CEP104: variants seen among roughly 807,000 people sequenced by gnomAD.
CEP104 encodes the protein centrosomal protein 104, also known as centrosomal protein of 104 kDa.
CEP104 carries 84 observed loss-of-function variants against 113.3 expected under a neutral mutation model. The observed-to-expected ratio is 0.74, with a 90% confidence interval of 0.62 to 0.89. The LOEUF (loss-of-function observed/expected upper bound fraction) is 0.89. Among genes scored for constraint, CEP104 ranks in the 40% least tolerant of loss-of-function variants. CEP104 has a pLI of 0.00. For missense variants in CEP104, 1,053 were observed against 1,156.6 expected (o/e 0.91, Z 1.30); for synonymous variants, 378 against 421.7 (o/e 0.90, Z 1.27).
chr1:3,848,848 TCATTCTTGCAGGTA>T, intron 2 of CEP104, 67 bp from the exon 3 acceptor site: 2 of 1,356,734 alleles, frequency 1.5e-6, no homozygotes, highest in South Asian at 1.3e-5. Context: ...TGCTAGCATC[TCATTCTTGCAGGTA>T]AGAAGCATTA....
At chr1:3,837,096 C>G (rs1644328512) in intron 9 of CEP104, 196 bp downstream of exon 9, 2 of 570,794 alleles carry the variant, frequency 3.5e-6, no homozygotes, top group Non-Finnish European at 6.2e-6. Context: ...AATAAACATG[C>G]TCACAAGGTG....
intron 15 of CEP104, among the ~76,000 whole-genome samples, chr1:3,828,105 T>C (rs1433046972): frequency 6.6e-6 from 1 of 152,076 alleles, no homozygotes; most frequent in African/African-American, 2.4e-5. Context: ...GGGCGGCTGC[T>C]GCTTCTGGAG....
At chr1:3,837,554 C>G in intron 8 of CEP104, 35 bp from the exon 9 acceptor site, 1 of 1,541,864 alleles carries the variant, frequency 6.5e-7, no homozygotes. Context: ...ATTTCAAATG[C>G]CACTGCCACG....
Position 3,819,435 on chromosome 1 carries a change from G to T in CEP104, c.2572-3065C>A, listed in dbSNP as rs1643930553. 6.6e-6 allele frequency among the ~76,000 whole-genome samples: 1 copy of T among 152,180 alleles called. No homozygotes were observed. Among genetic ancestry groups the T allele is most frequent in the Non-Finnish European group, 1.5e-5 (1 of 68,036 alleles). On this transcript the variant is annotated intron_variant, in intron 20 of 21. Transcript: ENST00000378230. The surrounding 1 kb of genome is among the most constrained non-coding windows in gnomAD (Gnocchi z 4.6). ...ACATGAAAACCCACTATCTGTCCAC[G>T]GGGAGAGGCTGTGCAGACTAGATCT...
At position 3,843,166 on chromosome 1, in the gene CEP104, A is replaced by C. The variant is rs566118802; in HGVS notation, c.566+1741T>G. 1.0e-5 allele frequency: 7 copies of C among 682,714 alleles called. No individual in the cohort carries two copies. In the African/African-American group the frequency reaches 1.1e-4, roughly 11 times the overall value. 42.3% of individuals were successfully genotyped at this position (682,714 alleles called of 1,614,324 possible). A position where few individuals can be genotyped will look rare whatever the true frequency, so the allele number is the denominator to read the frequency against. On this transcript the variant is annotated intron_variant, in intron 6 of 21. Transcript: ENST00000378230. ...TTCCCTTCTTTCCTTTAGACCAGGC[A>C]CCTCTGGAATGGAGTCCCCTCATTG...
intron 1 of CEP104, among the ~76,000 whole-genome samples, chr1:3,852,802 CAACGTGACTTCTAAG>C (rs1302808431): frequency 6.6e-6 from 1 of 152,156 alleles, no homozygotes; most frequent in Non-Finnish European, 1.5e-5. Context: ...GGGCCCAATG[CAACGTGACTTCTAAG>C]AAGGGAAGAG....
intron 1 of CEP104, among the ~76,000 whole-genome samples, chr1:3,854,780 C>G (rs1367757691): frequency 6.6e-6 from 1 of 151,150 alleles, no homozygotes; most frequent in African/African-American, 2.4e-5. Flanking sequence ...TGCCAGGCCC[C>G]TTTCATCATC....
chr1:3,845,174 AC>A lies in CEP104; in HGVS notation c.489+114del, dbSNP rs571462904. On this transcript the variant is annotated intron_variant, in intron 5 of 21. Coordinates refer to ENST00000378230, the MANE Select transcript of CEP104 (RefSeq NM_014704.4). ...CCTAAAAATCATCTGAAAGTTATTC[AC>A]TAGTCAATTTTATGCAGATTATAAA... 4.3e-4 allele frequency: 378 copies of A among 881,682 alleles called. 1 individual carries two copies. In the African/African-American group the frequency reaches 5.8e-3, roughly 14 times the overall value. 54.6% of individuals were successfully genotyped at this position (881,682 alleles called of 1,614,324 possible).
chr1:3,843,762 G>T (rs1028351973), intron 6 of CEP104, among the ~76,000 whole-genome samples: 3 of 151,194 alleles, frequency 2.0e-5, no homozygotes, highest in Non-Finnish European at 4.4e-5. Flanking sequence ...AAAAATTGTG[G>T]TGTGTGTTTT....
chr1:3,852,070 ATCT>A (rs1230068451), intron 2 of CEP104, among the ~76,000 whole-genome samples: 2 of 152,168 alleles, frequency 1.3e-5, no homozygotes, highest in Non-Finnish European at 2.9e-5. Flanking sequence ...ACATTTGCAC[ATCT>A]TCTTAAGGGA....
Position 3,837,517 on chromosome 1 carries a change from C to T in CEP104, c.894G>A (p.Met298Ile). The stretch of plus-strand genomic sequence containing the variant: ...GGAGGGGCAAATCAAAAGGTCTTCG[C>T]ATCTAGAGAACAAAAAGGAACATTT... The part of the protein sequence containing the change: ...ELHSLLDAEL[M>I]RRPFDLPLQP... The change falls in exon 9 of 22, where the codon ATG (methionine) becomes ATA (isoleucine). Residue 298 changes from methionine to isoleucine, a missense_variant and splice_region_variant. Met to Ile is a conservative substitution (Grantham distance 10). Coordinates refer to ENST00000378230, the MANE Select transcript of CEP104 (RefSeq NM_014704.4). 6.2e-7 allele frequency: 1 copy of T among 1,613,938 alleles called. No individual in the cohort carries two copies. The highest frequency in any genetic ancestry group is 8.5e-7 in the Non-Finnish European group (1 of 1,179,862).
At chr1:3,824,001 G>A (rs1232337448) in intron 18 of CEP104, among the ~76,000 whole-genome samples, 1 of 152,190 alleles carries the variant, frequency 6.6e-6, no homozygotes, top group African/African-American at 2.4e-5. Flanking sequence ...GGAATGACTT[G>A]TATATACTCT....
intron 4 of CEP104, 80 bp from the exon 5 acceptor site, chr1:3,845,431 A>T: frequency 9.0e-7 from 1 of 1,114,616 alleles, no homozygotes; most frequent in Non-Finnish European, 1.3e-6. Context: ...ATTTTGAGAC[A>T]GGGTCTCGTC....
chr1:3,845,595 T>A (rs1353005126), intron 4 of CEP104, among the ~76,000 whole-genome samples: 3 of 152,034 alleles, frequency 2.0e-5, no homozygotes, highest in African/African-American at 7.2e-5. Flanking sequence ...TTTGCAGAGA[T>A]AGGATTTCAC....
chr1:3,814,517 C>T lies in CEP104; in HGVS notation c.*885G>A, dbSNP rs994074047. Reference sequence around the variant, plus strand: ...ATGTGGAAGGGGCGGGAGGCCCATACCAGTGGGCTTCTGCCTGCTGTGAAC... The same window carrying T: ...ATGTGGAAGGGGCGGGAGGCCCATATCAGTGGGCTTCTGCCTGCTGTGAAC... On this transcript the variant is annotated 3_prime_UTR_variant, in exon 22 of 22. Transcript: ENST00000378230. 3.3e-5 allele frequency: 5 copies of T among 152,242 alleles called. No homozygotes were observed. Among genetic ancestry groups the T allele is most frequent in the Admixed American group, 3.3e-4 (5 of 15,288 alleles). The allele number at this position is 152,242 out of a possible 1,614,324, so 9.4% of individuals were successfully genotyped here. A position where few individuals can be genotyped will look rare whatever the true frequency, so the allele number is the denominator to read the frequency against.
intron 20 of CEP104, among the ~76,000 whole-genome samples, chr1:3,821,195 G>A (rs139789059): frequency 2.8e-4 from 42 of 152,360 alleles, no homozygotes; most frequent in Non-Finnish European, 5.0e-4. Context: ...CCAAACAGGA[G>A]GGAGCTCTCT....
Position 3,839,027 on chromosome 1 carries a change from C to T in CEP104, c.828G>A (p.Met276Ile). The part of the protein sequence containing the change: ...YDLAKEKKQQ[M>I]EQYRAEVYEQ... ...CGTACACCTCGGCACGATACTGCTC[C>T]ATCTGCTGCTTCTTCTCCTTGGCGA... The change falls in exon 8 of 22, where the codon ATG (methionine) becomes ATA (isoleucine). Residue 276 changes from methionine (M) to isoleucine (I), a missense_variant. Physicochemically the swap from Met to Ile is conservative, Grantham distance 10 (BLOSUM62 1). Transcript: ENST00000378230. The T allele has an allele frequency of 6.2e-7, 1 of 1,614,152 alleles. No individual in the cohort carries two copies. Among genetic ancestry groups the T allele is most frequent in the South Asian group, 1.1e-5 (1 of 91,082 alleles).
rs1029528996 is a variant in CEP104, at chr1:3,855,796, T to G, written c.-15+1093A>C. The G allele has an allele frequency of 1.6e-5, 10 of 618,578 alleles. No homozygotes were observed. The African/African-American group carries it at 2.0e-4, about 12-fold the overall frequency. 38.3% of individuals were successfully genotyped at this position (618,578 alleles called of 1,614,324 possible). ...TCACTGAAGGATGCCACTTTTAGGC[T>G]CTATAAAAATCACCATTAACAATTT... On this transcript the variant is annotated intron_variant, in intron 1 of 21. Transcript: ENST00000378230.
At chr1:3,817,677 G>A (rs1436578250) in intron 20 of CEP104, among the ~76,000 whole-genome samples, 3 of 152,158 alleles carry the variant, frequency 2.0e-5, no homozygotes, top group East Asian at 1.9e-4. Flanking sequence ...CCCCTCCCCC[G>A]TGGAGGGACA....
Sources: allele counts gnomAD v4.1 joint callset (sites outside exome capture counted in the v4.1 genomes callset), GRCh38; gene constraint gnomAD v4.1.1; non-coding constraint Gnocchi (gnomAD v3.1); transcripts MANE v1.5; gene names NCBI Gene and HGNC (gene_info 2026-07-23, HGNC 2026-07-21).